The following SYN2 variants were observed in gnomAD, a reference collection of about 807,000 sequenced individuals.
SYN2 encodes synapsin-2.
SYN2 carries 19 observed loss-of-function variants against 50.9 expected under a neutral mutation model. The observed-to-expected ratio is 0.37, with a 90% CI of 0.26 to 0.55. SYN2 has a LOEUF of 0.55. Among genes scored for constraint, SYN2 ranks in the 20% least tolerant of loss-of-function variants. The pLI is 0.81. For missense variants in SYN2, 587 were observed against 576.4 expected (o/e 1.02, Z -0.19); for synonymous variants, 255 against 224.9 (o/e 1.13, Z -1.20).
intron 10 of SYN2, among the ~76,000 whole-genome samples, chr3:12,172,086 A>G (rs567543853): frequency 6.6e-6 from 1 of 152,336 alleles, no homozygotes; most frequent in South Asian, 2.1e-4. Flanking sequence ...TCAACCTTAC[A>G]TTCATATCCA....
chr3:12,018,686 T>C (rs1412045835), intron 1 of SYN2, among the ~76,000 whole-genome samples: 1 of 152,234 alleles, frequency 6.6e-6, no homozygotes, highest in Non-Finnish European at 1.5e-5. Flanking sequence ...TTTGCTATTC[T>C]TCTCTGAATC....
At chr3:12,139,926 CAG>C (rs1696976627) in intron 1 of SYN2, among the ~76,000 whole-genome samples, 1 of 152,118 alleles carries the variant, frequency 6.6e-6, no homozygotes, top group Non-Finnish European at 1.5e-5. Flanking sequence ...TTACTTATTA[CAG>C]GGGATTAATT....
intron 5 of SYN2, chr3:12,154,580 C>T: frequency 2.2e-6 from 2 of 926,434 alleles, no homozygotes; most frequent in Non-Finnish European, 3.3e-6. Context: ...GCATGGGGCT[C>T]AGTGAAGGGA....
In SYN2 at chr3:12,183,274, G is replaced by A. The variant is rs771070780; in HGVS notation, c.1309-38G>A. On this transcript the variant is annotated intron_variant, in intron 10 of 12. Transcript: ENST00000621198. ...GTTTCTCTTTGGAATTCAGTGGCTT[G>A]GAGTTTTGTTTTTATCTCTTACATT... 3.2e-6 allele frequency: 5 copies of A among 1,580,588 alleles called. No individual in the cohort carries two copies. In the East Asian group the frequency reaches 6.9e-5, roughly 22 times the overall value.
intron 12 of SYN2, among the ~76,000 whole-genome samples, chr3:12,189,277 G>A (rs577416550): frequency 7.2e-5 from 11 of 152,330 alleles, no homozygotes; most frequent in Admixed American, 5.9e-4. Flanking sequence ...TGGAGTACAG[G>A]CTGGGCCTCC....
chr3:12,182,651 T>C (rs310762), intron 10 of SYN2, among the ~76,000 whole-genome samples: 56,722 of 152,132 alleles, frequency 0.37, 11,715 homozygotes, highest in East Asian at 0.65. Context: ...GAGAAACAAA[T>C]GACGACCCCT....
intron 1 of SYN2, among the ~76,000 whole-genome samples, chr3:12,132,906 T>C (rs1484414566): frequency 2.0e-5 from 3 of 152,216 alleles, no homozygotes; most frequent in Non-Finnish European, 4.4e-5. Context: ...TACCAGATTG[T>C]AGTTGAGCAT....
At chr3:12,033,764 A>G (rs1190509217) in intron 1 of SYN2, among the ~76,000 whole-genome samples, 1 of 152,202 alleles carries the variant, frequency 6.6e-6, no homozygotes, top group African/African-American at 2.4e-5. Context: ...GAACCATACA[A>G]TATGTGGCCT....
At chr3:12,041,805 G>A (rs555436122) in intron 1 of SYN2, among the ~76,000 whole-genome samples, 8 of 152,172 alleles carry the variant, frequency 5.3e-5, no homozygotes, top group Non-Finnish European at 7.3e-5. Flanking sequence ...TATATCCGGC[G>A]TTATGTCTGA....
intron 1 of SYN2, among the ~76,000 whole-genome samples, chr3:12,117,940 T>C (rs1176902990): frequency 6.6e-6 from 1 of 152,168 alleles, no homozygotes; most frequent in African/African-American, 2.4e-5. Context: ...TTAGATGATA[T>C]GACAGTTACA....
chr3:12,154,318 T>A (rs1697390369), intron 5 of SYN2: 1 of 1,614,016 alleles, frequency 6.2e-7, no homozygotes, highest in Non-Finnish European at 8.5e-7. Context: ...GAAATGGACA[T>A]TCCCTTACTT....
chr3:12,076,471 T>A (rs1191746812), intron 1 of SYN2, among the ~76,000 whole-genome samples: 1 of 152,034 alleles, frequency 6.6e-6, no homozygotes, highest in Non-Finnish European at 1.5e-5. Flanking sequence ...AAAAAATCAT[T>A]TCAAGGGAAT....
intron 1 of SYN2, chr3:12,071,429 G>A: frequency 1.9e-6 from 1 of 524,630 alleles, no homozygotes; most frequent in Non-Finnish European, 3.9e-6. Context: ...ATTGCCCCTG[G>A]CAAATGCATA....
intron 10 of SYN2, among the ~76,000 whole-genome samples, chr3:12,171,565 C>G (rs991436532): frequency 6.6e-6 from 1 of 152,182 alleles, no homozygotes; most frequent in Non-Finnish European, 1.5e-5. Context: ...GTGAAGGGCC[C>G]TTAAGTACTT....
chr3:12,034,507 GA>G (rs980885083), intron 1 of SYN2, among the ~76,000 whole-genome samples: 7 of 151,922 alleles, frequency 4.6e-5, no homozygotes, highest in South Asian at 2.1e-4. Flanking sequence ...AATTTATAAA[GA>G]AAAAAAACAT....
At chr3:12,096,250 A>G (rs140397971) in intron 1 of SYN2, among the ~76,000 whole-genome samples, 117 of 152,306 alleles carry the variant, frequency 7.7e-4, no homozygotes, top group African/African-American at 2.6e-3. Flanking sequence ...ATCTTTCTCT[A>G]TACAGCAGGG....
intron 10 of SYN2, among the ~76,000 whole-genome samples, chr3:12,172,173 G>A (rs962742816): frequency 2.0e-5 from 3 of 152,188 alleles, no homozygotes; most frequent in East Asian, 1.9e-4. Flanking sequence ...ATAACATTAT[G>A]TGACCTTGGG....
chr3:12,154,391 T>C (rs935611722), intron 5 of SYN2: 2 of 1,614,090 alleles, frequency 1.2e-6, no homozygotes, highest in African/African-American at 2.7e-5. Context: ...GGACAGGTCC[T>C]CCCAGGGCTC....
chr3:12,183,330 C>T lies in SYN2; in HGVS notation c.1327C>T (p.Pro443Ser), dbSNP rs777765777. The stretch of plus-strand genomic sequence containing the variant: ...CTTCCAGAGCGGAACACTTAAGGAT[C>T]CGGACTCAAGCAAGACCCCACCTCA... ...QQPQSGTLKD[P>S]DSSKTPPQRP... The change falls in exon 11 of 13, where the codon CCG becomes TCG. Residue 443 changes from proline to serine, a missense_variant. Pro to Ser is a moderately conservative substitution (Grantham distance 74). Coordinates refer to ENST00000621198, the MANE Select transcript of SYN2 (RefSeq NM_133625.6). 3 of 1,613,244 alleles carry T rather than the reference C, an allele frequency of 1.9e-6. No individual in the cohort carries two copies. Among genetic ancestry groups the T allele is most frequent in the Non-Finnish European group, 8.5e-7 (1 of 1,179,724 alleles).
Sources: allele counts gnomAD v4.1 joint callset (sites outside exome capture counted in the v4.1 genomes callset), GRCh38; gene constraint gnomAD v4.1.1; transcripts MANE v1.5; gene names NCBI Gene and HGNC (gene_info 2026-07-23, HGNC 2026-07-21).